PLEKHA5: variants seen among roughly 807,000 people sequenced by gnomAD.
PLEKHA5 encodes the protein pleckstrin homology domain containing A5, also known as pleckstrin homology domain-containing family A member 5.
A neutral mutation model predicts 181.9 loss-of-function variants in PLEKHA5; 55 were observed. That is an observed-to-expected ratio of 0.30 (90% confidence interval 0.24 to 0.38). The LOEUF is 0.38. Ranked by LOEUF, PLEKHA5 falls within the 10% of genes least tolerant of loss-of-function variation. The pLI is 1.00. For missense variants in PLEKHA5, 1,432 were observed against 1,549.5 expected, an observed-to-expected ratio of 0.92 and a Z score of 1.27; for synonymous variants, 535 against 529.4, an observed-to-expected ratio of 1.01 and a Z score of -0.15.
At chr12:19,247,867 A>G (rs1367156579) in intron 3 of PLEKHA5, among the ~76,000 whole-genome samples, 1 of 151,720 alleles carries the variant, frequency 6.6e-6, no homozygotes, top group Non-Finnish European at 1.5e-5. Context: ...TTAGCCCTGG[A>G]AGCTCTAGAA....
chr12:19,262,693 G>C (rs2068870360), intron 7 of PLEKHA5, among the ~76,000 whole-genome samples: 1 of 152,226 alleles, frequency 6.6e-6, no homozygotes, highest in Non-Finnish European at 1.5e-5. Context: ...CAGAAGCCAT[G>C]CTGATGGATA....
At chr12:19,205,525 C>A in intron 3 of PLEKHA5, 1 of 233,896 alleles carries the variant, frequency 4.3e-6, no homozygotes, top group Non-Finnish European at 7.0e-6. Context: ...CTTATATCTG[C>A]TGCTTTTTTG....
At chr12:19,171,645 C>T (rs1206716871) in intron 3 of PLEKHA5, among the ~76,000 whole-genome samples, 4 of 152,128 alleles carry the variant, frequency 2.6e-5, no homozygotes, top group Non-Finnish European at 5.9e-5. Flanking sequence ...AGGCATGAGC[C>T]ACCATGCCTG....
At chr12:19,368,547 C>T (rs910779342) in intron 30 of PLEKHA5, among the ~76,000 whole-genome samples, 1 of 152,058 alleles carries the variant, frequency 6.6e-6, no homozygotes, top group African/African-American at 2.4e-5. Context: ...AATCCCAGCA[C>T]TTTGGGAGAC....
chr12:19,132,773 CTTTTT>C (rs59992820), intron 3 of PLEKHA5, among the ~76,000 whole-genome samples: 1 of 112,124 alleles, frequency 8.9e-6, no homozygotes, highest in Non-Finnish European at 1.7e-5. Context: ...CCACAATTAC[CTTTTT>C]TTTTTTTTTT....
chr12:19,327,264 T>C (rs1048751292), intron 20 of PLEKHA5, among the ~76,000 whole-genome samples: 2 of 149,284 alleles, frequency 1.3e-5, no homozygotes, highest in Non-Finnish European at 3.0e-5. Context: ...TTTTTTTTTT[T>C]ACTTTTTAAT....
chr12:19,340,426 C>T (rs2093785606), intron 21 of PLEKHA5, among the ~76,000 whole-genome samples: 1 of 124,050 alleles, frequency 8.1e-6, no homozygotes, highest in Non-Finnish European at 1.9e-5. Context: ...GCGCCTCTGC[C>T]CGGCCACCAC....
intron 3 of PLEKHA5, among the ~76,000 whole-genome samples, chr12:19,216,527 G>C (rs111547421): frequency 6.6e-6 from 1 of 152,088 alleles, no homozygotes; most frequent in Non-Finnish European, 1.5e-5. Context: ...GCCAGGCGTG[G>C]TAGCAGGCAC....
chr12:19,158,076 T>G lies in PLEKHA5; in HGVS notation c.227+25626T>G, dbSNP rs572612785. 8.5e-5 allele frequency among the ~76,000 whole-genome samples: 13 copies of G among 152,208 alleles called. No homozygotes were observed. The East Asian group carries it at 9.7e-4, about 11-fold the overall frequency. ...ATTTAAGTTTGGCGGGTGCTGGGAT[T>G]ACAGGATTACTCATGCCTGTAATGC... is the stretch of plus-strand genomic sequence containing the variant. On this transcript the variant is annotated intron_variant, in intron 3 of 31. Coordinates refer to ENST00000429027, the MANE Select transcript of PLEKHA5 (RefSeq NM_001256470.2).
At chr12:19,161,867 A>G (rs1214743271) in intron 3 of PLEKHA5, among the ~76,000 whole-genome samples, 1 of 152,214 alleles carries the variant, frequency 6.6e-6, no homozygotes, top group African/African-American at 2.4e-5. Flanking sequence ...GAGTATGTGG[A>G]TGCCAACTTC....
chr12:19,319,870 A>G, intron 16 of PLEKHA5, 151 bp from the exon 17 acceptor site: 3 of 498,086 alleles, frequency 6.0e-6, no homozygotes, highest in South Asian at 4.2e-5. Flanking sequence ...TCCTTACAAT[A>G]TAGTAACATA....
In PLEKHA5 at chr12:19,257,416, G is replaced by A. The variant is rs759124844; in HGVS notation, c.433-17G>A. 4.7e-6 allele frequency: 6 copies of A among 1,266,480 alleles called. No homozygotes were observed. The East Asian group carries it at 1.4e-4, about 30-fold the overall frequency. The allele number at this position is 1,266,480 out of a possible 1,614,324, so 78.5% of individuals were successfully genotyped here. A position where few individuals can be genotyped will look rare whatever the true frequency, so the allele number is the denominator to read the frequency against. On this transcript the variant is annotated splice_polypyrimidine_tract_variant and intron_variant, in intron 5 of 31. Coordinates refer to ENST00000429027, the MANE Select transcript of PLEKHA5 (RefSeq NM_001256470.2). ...GCATTAATACCACATTTTCTGTCAT[G>A]CTCTTTTTCTATTTAGACTTCACGA...
chr12:19,239,103 G>A (rs997976435), intron 3 of PLEKHA5, among the ~76,000 whole-genome samples: 1 of 152,096 alleles, frequency 6.6e-6, no homozygotes, highest in African/African-American at 2.4e-5. Flanking sequence ...AGTACAAAAC[G>A]TTGTATATAT....
chr12:19,289,455 G>T (rs183606375), intron 13 of PLEKHA5, among the ~76,000 whole-genome samples: 1 of 150,632 alleles, frequency 6.6e-6, no homozygotes, highest in Admixed American at 6.6e-5. Context: ...AACCAATCTT[G>T]GGAATACTTT....
At chr12:19,201,332 T>A (rs565872376) in intron 3 of PLEKHA5, 1 of 152,140 alleles carries the variant, frequency 6.6e-6, no homozygotes, top group South Asian at 2.1e-4. Context: ...TCAAAGACGA[T>A]CAGTATCAAG....
intron 25 of PLEKHA5, among the ~76,000 whole-genome samples, chr12:19,350,232 C>T (rs1021878737): frequency 6.6e-6 from 1 of 152,164 alleles, no homozygotes; most frequent in African/African-American, 2.4e-5. Context: ...TAGATATTAG[C>T]TAACAGTGTG....
intron 3 of PLEKHA5, among the ~76,000 whole-genome samples, chr12:19,246,727 A>G (rs1170618424): frequency 6.6e-6 from 1 of 152,038 alleles, no homozygotes; most frequent in Non-Finnish European, 1.5e-5. Context: ...TAGATATCAG[A>G]TAAAAAAAGA....
At chr12:19,152,971 A>G (rs2040792407) in intron 3 of PLEKHA5, 1 of 149,696 alleles carries the variant, frequency 6.7e-6, no homozygotes, top group Non-Finnish European at 1.5e-5. Context: ...AAATTATGTC[A>G]GTCTTCTGTA....
chr12:19,361,492 C>A, intron 28 of PLEKHA5, 90 bp from the exon 29 acceptor site: 1 of 734,778 alleles, frequency 1.4e-6, no homozygotes, highest in Non-Finnish European at 2.2e-6. Context: ...CGTGATTGTT[C>A]AATAAACTTT....
Sources: allele counts gnomAD v4.1 joint callset (sites outside exome capture counted in the v4.1 genomes callset), GRCh38; gene constraint gnomAD v4.1.1; transcripts MANE v1.5; gene names NCBI Gene and HGNC (gene_info 2026-07-23, HGNC 2026-07-21).